FYN: variants seen among roughly 807,000 people sequenced by gnomAD.
FYN encodes the protein tyrosine-protein kinase Fyn.
In FYN, 10 loss-of-function variants were observed where a neutral mutation model predicts 70.2. That is an observed-to-expected ratio of 0.14 (90% CI 0.09 to 0.24). FYN has a LOEUF of 0.24. Ranked by LOEUF, FYN falls within the 10% of genes least tolerant of loss-of-function variation. FYN has a pLI of 1.00. For synonymous variants in FYN, 236 were observed against 248.6 expected (o/e 0.95, Z 0.48); for missense variants, 319 against 673.1 (o/e 0.47, Z 5.82).
intron 5 of FYN, among the ~76,000 whole-genome samples, chr6:111,712,905 A>T (rs1253946558): frequency 6.6e-6 from 1 of 152,196 alleles, no homozygotes; most frequent in Non-Finnish European, 1.5e-5. Flanking sequence ...TTATCATTTT[A>T]ATCATTTTTA....
intron 3 of FYN, among the ~76,000 whole-genome samples, chr6:111,763,832 T>C (rs1300119400): frequency 3.3e-5 from 5 of 152,120 alleles, no homozygotes; most frequent in Middle Eastern, 3.2e-3. Flanking sequence ...TGGGCAGGTG[T>C]GTAATTTCTT....
chr6:111,758,271 G>T (rs1280106677), intron 3 of FYN, among the ~76,000 whole-genome samples: 2 of 152,112 alleles, frequency 1.3e-5, no homozygotes, highest in Non-Finnish European at 2.9e-5. Flanking sequence ...AACAAAGTAG[G>T]ATATAAAACA....
At chr6:111,674,651 T>A (rs1306456603) in intron 12 of FYN, 21 bp from the exon 13 acceptor site, 1 of 1,610,204 alleles carries the variant, frequency 6.2e-7, no homozygotes, top group African/African-American at 1.3e-5. Context: ...AACACTTGGT[T>A]ATTCATCAGG....
At chr6:111,716,492 TAC>T (rs1298945077) in intron 4 of FYN, among the ~76,000 whole-genome samples, 2 of 152,186 alleles carry the variant, frequency 1.3e-5, no homozygotes, top group African/African-American at 2.4e-5. Flanking sequence ...GTGTACCTAG[TAC>T]AGTTATAAAC....
At chr6:111,670,483 C>T (rs1357177958) in intron 13 of FYN, among the ~76,000 whole-genome samples, 1 of 152,196 alleles carries the variant, frequency 6.6e-6, no homozygotes, top group African/African-American at 2.4e-5. Flanking sequence ...TTGTTTGTCT[C>T]CTCAAAGAAG....
chr6:111,663,175 C>T (rs1797838593), intron 13 of FYN, among the ~76,000 whole-genome samples: 2 of 152,230 alleles, frequency 1.3e-5, no homozygotes, highest in Admixed American at 1.3e-4. Flanking sequence ...GCCGGTGAGG[C>T]TGTCATCTGG....
Position 111,788,590 on chromosome 6 carries a change from C to A in FYN, c.-81-7955G>T, listed in dbSNP as rs370502802. 4.6e-5 allele frequency among the ~76,000 whole-genome samples: 7 copies of A among 152,260 alleles called. No homozygotes were observed. The East Asian group carries it at 9.6e-4, about 21-fold the overall frequency. On this transcript the variant is annotated intron_variant, in intron 2 of 13. Coordinates refer to ENST00000354650, the MANE Select transcript of FYN (RefSeq NM_002037.5). ...TCTCTGTGCCCATGGCTATCCTGTG[C>A]AACATGAGGTACAAGCTGGGAAGCT...
At chr6:111,714,553 A>G (rs1360353462) in intron 4 of FYN, 110 bp from the exon 5 acceptor site, 1 of 773,958 alleles carries the variant, frequency 1.3e-6, no homozygotes, top group Non-Finnish European at 2.2e-6. Flanking sequence ...TCTAGCCAGC[A>G]CTAATAACAT....
intron 1 of FYN, among the ~76,000 whole-genome samples, chr6:111,851,236 G>A (rs148695182): frequency 2.7e-3 from 413 of 152,350 alleles, no homozygotes; most frequent in Non-Finnish European, 4.3e-3. Context: ...GTATCAGCCA[G>A]TGCTATGTGT....
At chr6:111,813,588 G>A (rs1772393118) in intron 2 of FYN, among the ~76,000 whole-genome samples, 1 of 152,154 alleles carries the variant, frequency 6.6e-6, no homozygotes, top group Non-Finnish European at 1.5e-5. Context: ...TTAAGAGCTA[G>A]CATGCAGGAC....
chr6:111,857,941 T>C (rs939730802), intron 1 of FYN, among the ~76,000 whole-genome samples: 1 of 152,148 alleles, frequency 6.6e-6, no homozygotes, highest in Non-Finnish European at 1.5e-5. Flanking sequence ...CTGGCCTGGT[T>C]TGGCTGATGT....
intron 2 of FYN, among the ~76,000 whole-genome samples, chr6:111,807,258 C>T (rs1178710761): frequency 1.3e-5 from 2 of 152,236 alleles, no homozygotes; most frequent in East Asian, 1.9e-4. Flanking sequence ...TCTCAGCAGA[C>T]GATGGTGAGG....
intron 1 of FYN, among the ~76,000 whole-genome samples, chr6:111,849,850 C>T (rs1403790830): frequency 6.6e-6 from 1 of 152,220 alleles, no homozygotes; most frequent in Non-Finnish European, 1.5e-5. Context: ...CCTTTGCCCA[C>T]ACCCCCATGC....
At chr6:111,744,685 C>T (rs891582268) in intron 3 of FYN, among the ~76,000 whole-genome samples, 1 of 152,172 alleles carries the variant, frequency 6.6e-6, no homozygotes, top group Admixed American at 6.5e-5. Flanking sequence ...TCAGTTATCT[C>T]ATTTGCCTGG....
intron 2 of FYN, among the ~76,000 whole-genome samples, chr6:111,781,938 A>G (rs1771190093): frequency 3.3e-5 from 5 of 152,220 alleles, no homozygotes; most frequent in African/African-American, 1.2e-4. Flanking sequence ...AACTATGAAA[A>G]TATTCATAAT....
rs537145346 is a variant in FYN at position 111,789,434 on chromosome 6, T to TAGC, written c.-81-8802_-81-8800dup. 1.3e-3 allele frequency among the ~76,000 whole-genome samples: 194 copies of TAGC among 152,292 alleles called. 1 individual carries two copies. The highest frequency in any genetic ancestry group is 4.6e-3 in the African/African-American group (192 of 41,562). ...ATCAACCCCCAGGCAATAGTAGTAG[T>TAGC]AGCAGCAGTAGTACTGATATCATTT... is the stretch of plus-strand genomic sequence containing the variant. On this transcript the variant is annotated intron_variant, in intron 2 of 13. Coordinates refer to ENST00000354650, the MANE Select transcript of FYN (RefSeq NM_002037.5).
chr6:111,750,211 C>T (rs866633479), intron 3 of FYN, among the ~76,000 whole-genome samples: 32 of 152,168 alleles, frequency 2.1e-4, no homozygotes, highest in Admixed American at 1.3e-3. Flanking sequence ...GGAGGTGAGG[C>T]CTGGTGGGAG....
intron 2 of FYN, among the ~76,000 whole-genome samples, chr6:111,825,268 T>A (rs544180987): frequency 1.3e-5 from 2 of 152,340 alleles, no homozygotes; most frequent in South Asian, 2.1e-4. Context: ...AAAACCAATT[T>A]AATTGCCTTA....
intron 3 of FYN, among the ~76,000 whole-genome samples, chr6:111,767,473 C>G (rs1803271624): frequency 6.6e-6 from 1 of 152,208 alleles, no homozygotes; most frequent in Non-Finnish European, 1.5e-5. Context: ...GCAATCTCAG[C>G]TCACTGCAAC....
Sources: allele counts gnomAD v4.1 joint callset (sites outside exome capture counted in the v4.1 genomes callset), GRCh38; gene constraint gnomAD v4.1.1; transcripts MANE v1.5; gene names NCBI Gene and HGNC (gene_info 2026-07-23, HGNC 2026-07-21).